ITFG1: variants seen among roughly 807,000 people sequenced by gnomAD.
ITFG1 encodes the protein T-cell immunomodulatory protein.
Under a neutral mutation model 81.8 loss-of-function variants are expected in ITFG1, and 34 were observed. That is an observed-to-expected ratio of 0.42 (90% confidence interval 0.32 to 0.55). The LOEUF (loss-of-function observed/expected upper bound fraction) is 0.55, where lower values mean the gene tolerates loss of function less well. Among genes scored for constraint, ITFG1 ranks in the 20% least tolerant of loss-of-function variants. ITFG1 has a pLI of 0.17. For missense variants in ITFG1, 672 were observed against 755.4 expected (o/e 0.89, Z 1.29); for synonymous variants, 285 against 270.6 (o/e 1.05, Z -0.52).
chr16:47,170,280 T>A (rs548957218), intron 14 of ITFG1, among the ~76,000 whole-genome samples: 4 of 152,200 alleles, frequency 2.6e-5, no homozygotes, highest in African/African-American at 4.8e-5. Flanking sequence ...AAATTGTTGG[T>A]AGAATTTCAT....
At chr16:47,312,382 A>G (rs1188647747) in intron 9 of ITFG1, 1 of 152,178 alleles carries the variant, frequency 6.6e-6, no homozygotes, top group Non-Finnish European at 1.5e-5. Context: ...AAATTATATT[A>G]AAGATGGTTT....
At position 47,218,889 on chromosome 16, in the gene ITFG1, C is replaced by T. The variant is rs1432265790; in HGVS notation, c.1432G>A (p.Gly478Arg). Residue 478 changes from glycine (G) to arginine (R), a missense_variant, in exon 14 of 18, where the codon GGG becomes AGG. Physicochemically the swap from Gly to Arg is moderately radical, Grantham distance 125. Coordinates refer to ENST00000320640, the MANE Select transcript of ITFG1 (RefSeq NM_030790.5). ...YIMYTTVDAN[G>R]YLKNGSAGQL... Reference sequence around the variant, plus strand: ...TTACCTGATCCATTTTTCAGATACCCATTTGCATCTACAGTTGTATACATG... The same window carrying T: ...TTACCTGATCCATTTTTCAGATACCTATTTGCATCTACAGTTGTATACATG... The T allele has an allele frequency of 1.3e-6, 2 of 1,596,286 alleles. No homozygotes were observed. Among genetic ancestry groups the T allele is most frequent in the Non-Finnish European group, 1.7e-6 (2 of 1,170,420 alleles).
chr16:47,235,863 AGTACACT>A (rs1258741652), intron 13 of ITFG1, among the ~76,000 whole-genome samples: 3 of 152,228 alleles, frequency 2.0e-5, no homozygotes, highest in African/African-American at 4.8e-5. Flanking sequence ...ATACTGGGTA[AGTACACT>A]GTGCATTTGT....
At chr16:47,250,701 C>A (rs549816726) in intron 12 of ITFG1, among the ~76,000 whole-genome samples, 2 of 152,168 alleles carry the variant, frequency 1.3e-5, no homozygotes, top group South Asian at 2.1e-4. Context: ...CTGCAATGTT[C>A]AAAAATAATA....
At chr16:47,372,170 A>T (rs1306801266) in intron 7 of ITFG1, among the ~76,000 whole-genome samples, 1 of 151,954 alleles carries the variant, frequency 6.6e-6, no homozygotes, top group Non-Finnish European at 1.5e-5. Context: ...CACGACACTT[A>T]CCTACTTTCT....
chr16:47,216,334 C>A (rs956439023), intron 14 of ITFG1, among the ~76,000 whole-genome samples: 1 of 152,142 alleles, frequency 6.6e-6, no homozygotes, highest in Non-Finnish European at 1.5e-5. Context: ...GCTGGGACTA[C>A]AGGCATGTGC....
intron 10 of ITFG1, among the ~76,000 whole-genome samples, chr16:47,285,715 G>T (rs1966867102): frequency 6.6e-6 from 1 of 152,156 alleles, no homozygotes; most frequent in African/African-American, 2.4e-5. Flanking sequence ...AACTATTGTG[G>T]TGTGAGAGTA....
chr16:47,224,224 TAAATA>T (rs1229238888), intron 13 of ITFG1, among the ~76,000 whole-genome samples: 1 of 152,012 alleles, frequency 6.6e-6, no homozygotes, highest in African/African-American at 2.4e-5. Flanking sequence ...AATAAATAAA[TAAATA>T]AAAGAAAATA....
At chr16:47,216,327 G>A (rs909653354) in intron 14 of ITFG1, among the ~76,000 whole-genome samples, 1 of 152,102 alleles carries the variant, frequency 6.6e-6, no homozygotes, top group African/African-American at 2.4e-5. Flanking sequence ...CGAAGTAGCT[G>A]GGACTACAGG....
chr16:47,213,503 G>A (rs1965589898), intron 14 of ITFG1, among the ~76,000 whole-genome samples: 1 of 151,974 alleles, frequency 6.6e-6, no homozygotes, highest in Non-Finnish European at 1.5e-5. Flanking sequence ...GAGATATTGA[G>A]GTCTCCAACT....
intron 8 of ITFG1, among the ~76,000 whole-genome samples, chr16:47,364,553 CTAGCTAATCAAAT>C (rs1270362606): frequency 6.6e-6 from 1 of 152,140 alleles, no homozygotes; most frequent in African/African-American, 2.4e-5. Context: ...TGTTATTAAT[CTAGCTAATCAAAT>C]TAGCCAGAAA....
At chr16:47,225,903 A>C (rs1429547456) in intron 13 of ITFG1, among the ~76,000 whole-genome samples, 9 of 149,668 alleles carry the variant, frequency 6.0e-5, no homozygotes, top group Non-Finnish European at 1.3e-4. Context: ...ACGAAGTTGG[A>C]AAAAAAAAAG....
intron 8 of ITFG1, among the ~76,000 whole-genome samples, chr16:47,352,559 C>G (rs1392438183): frequency 6.6e-6 from 1 of 152,124 alleles, no homozygotes; most frequent in African/African-American, 2.4e-5. Flanking sequence ...CAGGAAACAA[C>G]AGGTGCTGGA....
intron 16 of ITFG1, among the ~76,000 whole-genome samples, chr16:47,160,933 T>C (rs1964795212): frequency 6.6e-6 from 1 of 152,164 alleles, no homozygotes; most frequent in South Asian, 2.1e-4. Context: ...ATGATGAAGC[T>C]GGTATTTTCA....
At chr16:47,425,947 C>A (rs1385926788) in intron 6 of ITFG1, 1 of 151,920 alleles carries the variant, frequency 6.6e-6, no homozygotes, top group Non-Finnish European at 1.5e-5. Context: ...ATCCTTTGTC[C>A]TTTCTTTATC....
intron 10 of ITFG1, among the ~76,000 whole-genome samples, chr16:47,294,946 C>T (rs775575862): frequency 2.0e-5 from 3 of 151,958 alleles, no homozygotes; most frequent in Non-Finnish European, 4.4e-5. Flanking sequence ...TCCAGTTCTT[C>T]GGGGAAGAGC....
chr16:47,337,495 G>C (rs1027130097), intron 8 of ITFG1, among the ~76,000 whole-genome samples: 1 of 152,028 alleles, frequency 6.6e-6, no homozygotes, highest in Non-Finnish European at 1.5e-5. Flanking sequence ...ACCTGAAACC[G>C]GGAGGTGGAG....
chr16:47,342,512 G>A (rs1278984676), intron 8 of ITFG1, among the ~76,000 whole-genome samples: 1 of 151,994 alleles, frequency 6.6e-6, no homozygotes, highest in Non-Finnish European at 1.5e-5. Flanking sequence ...CAATTAGACA[G>A]GGAAAGAGAT....
At chr16:47,450,748 G>A (rs1003286247) in intron 5 of ITFG1, among the ~76,000 whole-genome samples, 1 of 152,104 alleles carries the variant, frequency 6.6e-6, no homozygotes, top group African/African-American at 2.4e-5. Context: ...AATTAACCGG[G>A]TTGAAGGTAT....
Sources: gnomAD v4.1 joint callset for allele counts (sites outside exome capture counted in the v4.1 genomes callset) on GRCh38, gnomAD v4.1.1 for gene constraint, MANE v1.5 for transcripts, NCBI Gene and HGNC (gene_info 2026-07-23, HGNC 2026-07-21) for gene names.